UNC80: variants seen among roughly 807,000 people sequenced by gnomAD.
UNC80 encodes the protein unc-80 subunit of NALCN channel complex, also known as protein unc-80 homolog.
In UNC80, 164 loss-of-function variants were observed where a neutral mutation model predicts 384.6. The observed-to-expected ratio is 0.43, with a 90% CI of 0.38 to 0.49. The LOEUF (loss-of-function observed/expected upper bound fraction) is 0.49, where lower values mean the gene tolerates loss of function less well. UNC80 is among the 20% of genes least tolerant of loss of function. The probability of loss-of-function intolerance (pLI) is 0.00; values close to 1 mark genes in which losing one functional copy is unlikely to be tolerated. For synonymous variants in UNC80, 1,486 were observed against 1,527.8 expected (o/e 0.97, Z 0.64); for missense variants, 3,330 against 4,143.0 (o/e 0.80, Z 5.39).
intron 35 of UNC80, 148 bp downstream of exon 35, chr2:209,922,531 C>A: frequency 2.0e-6 from 2 of 1,011,324 alleles, no homozygotes; most frequent in Non-Finnish European, 2.7e-6. Context: ...AGCATGGCAT[C>A]CTTTAAAAAA....
intron 21 of UNC80, among the ~76,000 whole-genome samples, chr2:209,842,943 T>C (rs2081872781): frequency 6.6e-6 from 1 of 152,188 alleles, no homozygotes; most frequent in South Asian, 2.1e-4. Context: ...ATTTGCTTCA[T>C]TTGTCCTAGT....
chr2:209,949,378 T>C (rs1222669029), intron 47 of UNC80, among the ~76,000 whole-genome samples: 2 of 152,176 alleles, frequency 1.3e-5, no homozygotes, highest in Non-Finnish European at 2.9e-5. Context: ...CCTCCATTAT[T>C]ATAAAGTCCT....
intron 28 of UNC80, among the ~76,000 whole-genome samples, chr2:209,902,498 A>G (rs1452546652): frequency 6.6e-6 from 1 of 152,148 alleles, no homozygotes; most frequent in Non-Finnish European, 1.5e-5. Flanking sequence ...TGCTAGAGAA[A>G]AACCTTTCAT....
In UNC80 at chr2:209,918,641, AC is replaced by A. The variant is rs935639841; in HGVS notation, c.5325del (p.Ile1776LeufsTer25). On this transcript the variant is annotated frameshift_variant, in exon 33 of 65. Transcript: ENST00000673920. LOFTEE classifies it high-confidence loss of function. ...WVPQCSGSVQ[D>X]PINEDQSKSF... is the part of the protein sequence containing the mutation. ...CCTCAGTGCAGCGGGAGTGTCCAGG[AC>A]CCCATTAATGAAGACCAGTCTGTGA... The A allele has an allele frequency of 6.5e-7, 1 of 1,549,838 alleles. No individual in the cohort carries two copies. Among genetic ancestry groups the A allele is most frequent in the Non-Finnish European group, 8.7e-7 (1 of 1,145,796 alleles).
At chr2:209,867,627 A>T (rs2083947998) in intron 22 of UNC80, among the ~76,000 whole-genome samples, 1 of 152,002 alleles carries the variant, frequency 6.6e-6, no homozygotes, top group African/African-American at 2.4e-5. Flanking sequence ...TCCTGGCTTT[A>T]TGTCAGAGGA....
chr2:209,934,749 G>A (rs2091127273), intron 39 of UNC80, among the ~76,000 whole-genome samples: 1 of 152,122 alleles, frequency 6.6e-6, no homozygotes, highest in Non-Finnish European at 1.5e-5. Context: ...ATAAAATAGG[G>A]ATATAATTCA....
At chr2:209,900,165 G>C (rs73078941) in intron 28 of UNC80, among the ~76,000 whole-genome samples, 5,571 of 152,276 alleles carry the variant, frequency 0.037, 342 homozygotes, top group African/African-American at 0.13. Flanking sequence ...TATCATGTCT[G>C]TGTGTATACA....
intron 49 of UNC80, among the ~76,000 whole-genome samples, chr2:209,958,430 T>C (rs1262059823): frequency 1.3e-5 from 2 of 152,210 alleles, no homozygotes; most frequent in Non-Finnish European, 2.9e-5. Flanking sequence ...ATTCAATAAT[T>C]TTTCACTCTC....
chr2:209,803,519 T>C (rs1461406445), intron 7 of UNC80, among the ~76,000 whole-genome samples: 2 of 152,184 alleles, frequency 1.3e-5, no homozygotes, highest in Non-Finnish European at 2.9e-5. Flanking sequence ...AGTCTCTACA[T>C]TTATTGTATT....
chr2:209,993,342 A>G lies in UNC80; in HGVS notation c.9424A>G (p.Lys3142Glu), dbSNP rs1332012973. ...AAGACGTCCTCTACTATCACGTCAG[A>G]AAACTCAGACTGAACCCAGAAATCG... is the stretch of plus-strand genomic sequence containing the variant. ...QLRRPLLSRQ[K>E]TQTEPRNRQG... Residue 3142 changes from lysine (K) to glutamate (E), a missense_variant, in exon 63 of 65, where the codon AAA becomes GAA. Around this residue, in one of 8 missense-constraint regions of UNC80, gnomAD observed 236 missense variants for 254.9 expected, o/e 0.93. Transcript: ENST00000673920. The G allele has an allele frequency of 8.4e-6, 13 of 1,551,990 alleles. No individual in the cohort carries two copies. Among genetic ancestry groups the G allele is most frequent in the Non-Finnish European group, 1.1e-5 (13 of 1,147,012 alleles).
intron 7 of UNC80, among the ~76,000 whole-genome samples, chr2:209,798,427 C>T (rs1046558938): frequency 6.6e-6 from 1 of 152,104 alleles, no homozygotes; most frequent in African/African-American, 2.4e-5. Context: ...GATCTTTTCC[C>T]CATTGCTTGT....
At chr2:209,910,806 A>T (rs2088841937) in intron 29 of UNC80, among the ~76,000 whole-genome samples, 1 of 152,120 alleles carries the variant, frequency 6.6e-6, no homozygotes, top group Non-Finnish European at 1.5e-5. Flanking sequence ...AAAATTTAAG[A>T]ATCATATTTT....
chr2:209,808,860 C>T, intron 7 of UNC80: 1 of 321,568 alleles, frequency 3.1e-6, no homozygotes, highest in Non-Finnish European at 5.9e-6. Context: ...AGCCCAACTA[C>T]AGCAAACTGC....
rs536044948 is a variant in UNC80, at chr2:209,787,566, G to A, written c.724+1377G>A. 2.0e-5 allele frequency among the ~76,000 whole-genome samples: 3 copies of A among 152,284 alleles called. No individual in the cohort carries two copies. In the South Asian group the frequency reaches 6.2e-4, roughly 32 times the overall value. ...GTCAATGACTGTGTTTACAACAGTA[G>A]TCCCATAAGATCATAATGGAGCTGA... On this transcript the variant is annotated intron_variant, in intron 5 of 64. Transcript: ENST00000673920.
At chr2:209,816,213 A>G (rs1022988855) in intron 9 of UNC80, among the ~76,000 whole-genome samples, 10 of 152,218 alleles carry the variant, frequency 6.6e-5, no homozygotes, top group Non-Finnish European at 2.9e-5. Context: ...TAAAAAATAC[A>G]TCTTCAGATT....
intron 29 of UNC80, among the ~76,000 whole-genome samples, chr2:209,907,291 CAAAA>C (rs35210647): frequency 1.7e-4 from 12 of 68,642 alleles, no homozygotes; most frequent in Admixed American, 6.7e-4. Context: ...CAATAATGGG[CAAAA>C]AAAAAAAAAA....
chr2:209,953,244 C>T (rs1410934519), intron 47 of UNC80, among the ~76,000 whole-genome samples: 4 of 151,766 alleles, frequency 2.6e-5, no homozygotes, highest in Admixed American at 2.6e-4. Flanking sequence ...ATAGTGAAAC[C>T]CTGTCTCTAC....
chr2:209,926,905 T>C lies in UNC80; in HGVS notation c.5725T>C (p.Phe1909Leu). 6.4e-7 allele frequency: 1 copy of C among 1,552,246 alleles called. No individual in the cohort carries two copies. Among genetic ancestry groups the C allele is most frequent in the Non-Finnish European group, 8.7e-7 (1 of 1,147,076 alleles). The change falls in exon 36 of 65, where the codon TTC (phenylalanine) becomes CTC (leucine). Residue 1909 changes from phenylalanine to leucine, a missense_variant. Around this residue, in one of 8 missense-constraint regions of UNC80, gnomAD observed 1,049 missense variants for 1,488.6 expected, o/e 0.70. Coordinates refer to ENST00000673920, the MANE Select transcript of UNC80 (RefSeq NM_001371986.1). Reference protein sequence around the residue: ...HHVPQPPQAVFPACICAAVLP... With the variant: ...HHVPQPPQAVLPACICAAVLP... The stretch of plus-strand genomic sequence containing the variant: ...TGTGCCTCAGCCCCCACAAGCAGTG[T>C]TCCCAGCATGCATCTGTGCAGCAGT...
intron 61 of UNC80, among the ~76,000 whole-genome samples, chr2:209,985,820 A>T (rs748009647): frequency 6.6e-6 from 1 of 152,192 alleles, no homozygotes; most frequent in Non-Finnish European, 1.5e-5. Flanking sequence ...TTATTGCTTT[A>T]TCACAAAGAT....
Sources: gnomAD v4.1 joint callset for allele counts (sites outside exome capture counted in the v4.1 genomes callset) on GRCh38, gnomAD v4.1.1 for gene constraint, gnomAD v4.1.1 regional missense constraint, MANE v1.5 for transcripts, NCBI Gene and HGNC (gene_info 2026-07-23, HGNC 2026-07-21) for gene names.